UBTD2: variants seen among roughly 807,000 people sequenced by gnomAD.
UBTD2 encodes the protein ubiquitin domain containing 2, also known as ubiquitin domain-containing protein 2.
UBTD2 carries 9 observed loss-of-function variants against 19.8 expected under a neutral mutation model. The observed-to-expected ratio is 0.46, with a 90% CI of 0.27 to 0.79. The LOEUF (loss-of-function observed/expected upper bound fraction) is 0.79. Among genes scored for constraint, UBTD2 ranks in the 30% least tolerant of loss-of-function variants. The pLI, the probability that UBTD2 is intolerant of heterozygous loss-of-function variation, is 0.14. For missense variants in UBTD2, 250 were observed against 300.4 expected (o/e 0.83, Z 1.24); for synonymous variants, 98 against 103.9 (o/e 0.94, Z 0.35).
At chr5:172,243,815 G>A (rs537353674) in intron 1 of UBTD2, among the ~76,000 whole-genome samples, 4 of 151,900 alleles carry the variant, frequency 2.6e-5, no homozygotes, top group Admixed American at 2.0e-4. Context: ...CACCCGCCTC[G>A]GCCTCCCAAA....
chr5:172,274,899 G>A (rs191479989), intron 1 of UBTD2, among the ~76,000 whole-genome samples: 1 of 152,290 alleles, frequency 6.6e-6, no homozygotes, highest in East Asian at 1.9e-4. Context: ...AGCCAGGCAT[G>A]GTGGCGGGCG....
chr5:172,275,310 C>T (rs1212202413), intron 1 of UBTD2, among the ~76,000 whole-genome samples: 1 of 152,118 alleles, frequency 6.6e-6, no homozygotes, highest in Non-Finnish European at 1.5e-5. Context: ...CACTGGGTAT[C>T]TCCCATGACA....
At chr5:172,213,198 C>T (rs1378141179) in intron 2 of UBTD2, among the ~76,000 whole-genome samples, 1 of 152,054 alleles carries the variant, frequency 6.6e-6, no homozygotes, top group Admixed American at 6.6e-5. Flanking sequence ...ACCATGTTGG[C>T]CAGGCTGGTC....
chr5:172,264,561 T>TAA (rs61132221), intron 1 of UBTD2, among the ~76,000 whole-genome samples: 70 of 108,006 alleles, frequency 6.5e-4, no homozygotes, highest in African/African-American at 1.5e-3. Context: ...ATTAAAAAAT[T>TAA]AAAAAAAAAA....
At chr5:172,280,486 G>T (rs1224283088) in intron 1 of UBTD2, among the ~76,000 whole-genome samples, 3 of 148,636 alleles carry the variant, frequency 2.0e-5, no homozygotes. Flanking sequence ...CCGCAGCCTG[G>T]GCGACAGAGC....
intron 1 of UBTD2, among the ~76,000 whole-genome samples, chr5:172,274,812 G>A (rs1755574980): frequency 6.6e-6 from 1 of 152,050 alleles, no homozygotes; most frequent in Admixed American, 6.6e-5. Context: ...TGGCCGAGGT[G>A]GGCGGATCAT....
At chr5:172,243,749 G>C (rs944529289) in intron 1 of UBTD2, among the ~76,000 whole-genome samples, 1 of 151,750 alleles carries the variant, frequency 6.6e-6, no homozygotes, top group African/African-American at 2.4e-5. Context: ...TTTTAGTAGA[G>C]ACGGGGTTTC....
intron 1 of UBTD2, among the ~76,000 whole-genome samples, chr5:172,253,838 G>A (rs1246476237): frequency 6.6e-6 from 1 of 151,966 alleles, no homozygotes; most frequent in Non-Finnish European, 1.5e-5. Flanking sequence ...ACTGACAATT[G>A]ATTATGTTAG....
intron 1 of UBTD2, among the ~76,000 whole-genome samples, chr5:172,242,803 T>C (rs1452273910): frequency 6.6e-6 from 1 of 152,184 alleles, no homozygotes; most frequent in East Asian, 1.9e-4. Context: ...AGCTACAGGG[T>C]TGTAAAAGGG....
intron 2 of UBTD2, among the ~76,000 whole-genome samples, chr5:172,230,234 A>G (rs1010267512): frequency 6.6e-6 from 1 of 152,228 alleles, no homozygotes; most frequent in African/African-American, 2.4e-5. Flanking sequence ...GAATAAACTG[A>G]AGACTTACTG....
At chr5:172,263,325 C>T (rs1303585854) in intron 1 of UBTD2, among the ~76,000 whole-genome samples, 1 of 151,934 alleles carries the variant, frequency 6.6e-6, no homozygotes, top group Non-Finnish European at 1.5e-5. Context: ...ATTCAGGGTA[C>T]GTTTGTTGTG....
chr5:172,236,329 C>G (rs966601894), intron 1 of UBTD2, among the ~76,000 whole-genome samples: 1 of 152,220 alleles, frequency 6.6e-6, no homozygotes, highest in Admixed American at 6.5e-5. Context: ...GAAACAGAAT[C>G]CAAGTCTCTT....
At chr5:172,273,476 G>A (rs9942336) in intron 1 of UBTD2, among the ~76,000 whole-genome samples, 110,870 of 151,510 alleles carry the variant, frequency 0.73, 41,848 homozygotes, top group African/African-American at 0.93. Context: ...CTGTAATCCC[G>A]GCTATTTCAG....
Position 172,222,487 on chromosome 5 carries a change from C to A in UBTD2, c.308-10260G>T, listed in dbSNP as rs201672703. On this transcript the variant is annotated intron_variant, in intron 2 of 2. Transcript: ENST00000393792. ...TCCCTGATCTCCAGGAGTATATATT[C>A]ATGAGCAGATACAGCATACCCATCA... Among the ~76,000 whole-genome samples, 9 of 152,184 alleles carry A rather than the reference C, an allele frequency of 5.9e-5. No individual in the cohort carries two copies. The East Asian group carries it at 1.7e-3, about 29-fold the overall frequency.
intron 2 of UBTD2, among the ~76,000 whole-genome samples, chr5:172,228,288 C>T (rs1035051820): frequency 6.6e-6 from 1 of 152,134 alleles, no homozygotes; most frequent in Non-Finnish European, 1.5e-5. Flanking sequence ...CTGTTAGATC[C>T]AAGACTTGAG....
At chr5:172,246,168 C>A (rs1390491436) in intron 1 of UBTD2, among the ~76,000 whole-genome samples, 1 of 152,016 alleles carries the variant, frequency 6.6e-6, no homozygotes, top group Non-Finnish European at 1.5e-5. Context: ...AACAAATGAA[C>A]GTTTTTAGCA....
chr5:172,253,457 A>ATTTT (rs11292185), intron 1 of UBTD2, among the ~76,000 whole-genome samples: 2 of 145,882 alleles, frequency 1.4e-5, no homozygotes, highest in African/African-American at 2.5e-5. Context: ...AACCCTATCA[A>ATTTT]TTTTTTTTTT....
rs543636954 is a variant in UBTD2, at chr5:172,242,497, T to C, written c.71-8139A>G. ...GGATATACGGCAATGTGTGAAGACA[T>C]TTTAACTTGTTCCTTTACCCTTTGT... is the stretch of plus-strand genomic sequence containing the variant. On this transcript the variant is annotated intron_variant, in intron 1 of 2. Coordinates refer to ENST00000393792, the MANE Select transcript of UBTD2 (RefSeq NM_152277.3). 6.8e-6 allele frequency: 6 copies of C among 878,508 alleles called. No homozygotes were observed. In the African/African-American group the frequency reaches 1.1e-4, roughly 16 times the overall value. The allele number at this position is 878,508 out of a possible 1,614,324, so 54.4% of individuals were successfully genotyped here.
At chr5:172,269,460 C>T (rs1373847019) in intron 1 of UBTD2, among the ~76,000 whole-genome samples, 8 of 146,916 alleles carry the variant, frequency 5.4e-5, no homozygotes, top group South Asian at 2.1e-4. Flanking sequence ...CACTGCACTC[C>T]GGTCTGGGCA....
Sources: allele counts gnomAD v4.1 joint callset (sites outside exome capture counted in the v4.1 genomes callset), GRCh38; gene constraint gnomAD v4.1.1; transcripts MANE v1.5; gene names NCBI Gene and HGNC (gene_info 2026-07-23, HGNC 2026-07-21).